Variants in OR52A5 observed in about 807,000 individuals in gnomAD.
The protein encoded by OR52A5 is olfactory receptor family 52 subfamily A member 5.
Under a neutral mutation model 18.2 loss-of-function variants are expected in OR52A5, and 16 were observed. The ratio of observed to expected loss-of-function variants is 0.88; its 90% CI spans 0.60 to 1.34. OR52A5 has a LOEUF of 1.34. OR52A5 is among the 40% of genes most tolerant of loss of function. OR52A5 has a pLI of 0.00. For synonymous variants in OR52A5, 140 were observed against 137.2 expected (o/e 1.02, Z -0.14); for missense variants, 418 against 383.0 (o/e 1.09, Z -0.76).
rs1846346198 is a variant in OR52A5, at chr11:5,132,227, G to A, written c.416C>T (p.Ser139Phe). Residue 139 changes from serine to phenylalanine, a missense_variant, in exon 2 of 2, where the codon TCC becomes TTC. By Grantham distance (155) the Ser-to-Phe change is radical (BLOSUM62 -2). Coordinates refer to ENST00000307388, the MANE Select transcript of OR52A5 (RefSeq NM_001005160.3). ...TCCAATATGAGTTAAGAACTGCTGGGAAAAGATGGTGGCATGTCTCAAGGG... is the reference window on the plus strand; with the variant it reads ...TCCAATATGAGTTAAGAACTGCTGGAAAAAGATGGTGGCATGTCTCAAGGG... ...CIPLRHATIF[S>F]QQFLTHIGLG... The A allele has an allele frequency of 6.2e-7, 1 of 1,614,148 alleles. No individual in the cohort carries two copies. Among genetic ancestry groups the A allele is most frequent in the Non-Finnish European group, 8.5e-7 (1 of 1,180,018 alleles).
In OR52A5 at chr11:5,129,854, T is replaced by G. The variant is rs1267017796; in HGVS notation, c.*1838A>C. The G allele has an allele frequency of 6.6e-6, 1 of 152,164 alleles. No homozygotes were observed. 9.4% of individuals were successfully genotyped at this position (152,164 alleles called of 1,614,324 possible). A position where few individuals can be genotyped will look rare whatever the true frequency, so the allele number is the denominator to read the frequency against. On this transcript the variant is annotated 3_prime_UTR_variant, in exon 2 of 2. Coordinates refer to ENST00000307388, the MANE Select transcript of OR52A5 (RefSeq NM_001005160.3). ...TACTCCATGTGGAAATTGCTTCAGC[T>G]GGGGTTTCTTTAGCAGAGAACACTG...
At position 5,138,214 on chromosome 11, in the gene OR52A5, A is replaced by G. The variant is rs369357887; in HGVS notation, c.-61+97T>C. On this transcript the variant is annotated intron_variant, in intron 1 of 1. Transcript: ENST00000307388. Reference sequence around the variant, plus strand: ...TTTAAGATTCTGTTGCATTTTTATCATCCTGGCATATTGAATCGCAGGAGA... The same window carrying G: ...TTTAAGATTCTGTTGCATTTTTATCGTCCTGGCATATTGAATCGCAGGAGA... 3.3e-5 allele frequency: 5 copies of G among 152,336 alleles called. No individual in the cohort carries two copies. The South Asian group carries it at 6.2e-4, about 19-fold the overall frequency. 9.4% of individuals were successfully genotyped at this position (152,336 alleles called of 1,614,324 possible). A position where few individuals can be genotyped will look rare whatever the true frequency, so the allele number is the denominator to read the frequency against.
intron 1 of OR52A5, among the ~76,000 whole-genome samples, chr11:5,134,500 A>C (rs1266881043): frequency 6.6e-6 from 1 of 152,214 alleles, no homozygotes; most frequent in Non-Finnish European, 1.5e-5. Flanking sequence ...TTTAATTAAC[A>C]AAGATTTATT....
intron 1 of OR52A5, among the ~76,000 whole-genome samples, chr11:5,137,318 C>T (rs1846400642): frequency 6.6e-6 from 1 of 152,180 alleles, no homozygotes; most frequent in Non-Finnish European, 1.5e-5. Context: ...GAATAACTAC[C>T]ACTCCAGTTC....
In OR52A5 at chr11:5,128,853, A is replaced by T. The variant is rs1037812965; in HGVS notation, c.*2839T>A. On this transcript the variant is annotated 3_prime_UTR_variant, in exon 2 of 2. Coordinates refer to ENST00000307388, the MANE Select transcript of OR52A5 (RefSeq NM_001005160.3). ...AGTAATGGGATGTGACTACTAATGT[A>T]TATAGATTTTTTTTTAGGATGACGA... The T allele has an allele frequency of 6.6e-6, 1 of 152,108 alleles. No homozygotes were observed. 9.4% of individuals were successfully genotyped at this position (152,108 alleles called of 1,614,324 possible).
In OR52A5 at chr11:5,130,362, A is replaced by ATAT. The variant is rs1846324745; in HGVS notation, c.*1329_*1330insATA. ...TCCTTCATGTATACTAACTTTTCTGAAAGAATTCATATATTTATGATTTTT... is the reference window on the plus strand; with the variant it reads ...TCCTTCATGTATACTAACTTTTCTGATATAAGAATTCATATATTTATGATTTTT... On this transcript the variant is annotated 3_prime_UTR_variant, in exon 2 of 2. Coordinates refer to ENST00000307388, the MANE Select transcript of OR52A5 (RefSeq NM_001005160.3). The ATAT allele has an allele frequency of 6.6e-6, 1 of 151,992 alleles. No individual in the cohort carries two copies. The highest frequency in any genetic ancestry group is 1.9e-4 in the East Asian group (1 of 5,194). 9.4% of individuals were successfully genotyped at this position (151,992 alleles called of 1,614,324 possible).
At chr11:5,135,167 C>G (rs1360741404) in intron 1 of OR52A5, among the ~76,000 whole-genome samples, 1 of 152,146 alleles carries the variant, frequency 6.6e-6, no homozygotes, top group Non-Finnish European at 1.5e-5. Context: ...AGCCACCAAG[C>G]CTGGTCAAGA....
chr11:5,129,597 C>G lies in OR52A5; in HGVS notation c.*2095G>C, dbSNP rs1043530747. On this transcript the variant is annotated 3_prime_UTR_variant, in exon 2 of 2. Transcript: ENST00000307388. ...TGTCCTTTATCTCGGATTCTGCATCCAATTAGCCAGAGCCCTCAATTGAAG... is the reference window on the plus strand; with the variant it reads ...TGTCCTTTATCTCGGATTCTGCATCGAATTAGCCAGAGCCCTCAATTGAAG... 6.6e-6 allele frequency: 1 copy of G among 152,050 alleles called. No homozygotes were observed. Among genetic ancestry groups the G allele is most frequent in the Admixed American group, 6.6e-5 (1 of 15,246 alleles). The allele number at this position is 152,050 out of a possible 1,614,324, so 9.4% of individuals were successfully genotyped here.
rs948127872 is a variant in OR52A5, at chr11:5,129,517, A to T, written c.*2175T>A. 2.0e-5 allele frequency: 3 copies of T among 152,114 alleles called. No individual in the cohort carries two copies. Among genetic ancestry groups the T allele is most frequent in the Non-Finnish European group, 4.4e-5 (3 of 68,030 alleles). The allele number at this position is 152,114 out of a possible 1,614,324, so 9.4% of individuals were successfully genotyped here. On this transcript the variant is annotated 3_prime_UTR_variant, in exon 2 of 2. Transcript: ENST00000307388. The stretch of plus-strand genomic sequence containing the variant: ...CTTTTTAAGATGTTCATTGCATCAT[A>T]GTCAGGGCATATCAGTCTGACTCAT...
rs552180403 is a variant in OR52A5 at position 5,131,556 on chromosome 11, A to C, written c.*136T>G. The C allele has an allele frequency of 6.0e-5, 32 of 537,214 alleles. 2 individuals carry two copies. The East Asian group carries it at 8.2e-4, about 14-fold the overall frequency. The allele number at this position is 537,214 out of a possible 1,614,324, so 33.3% of individuals were successfully genotyped here. On this transcript the variant is annotated 3_prime_UTR_variant, in exon 2 of 2. Transcript: ENST00000307388. ...TTATCAAAATATAGATTCAAAGCAA[A>C]TACTAAAAAGTGAGACATAGCTAGA... is the stretch of plus-strand genomic sequence containing the variant.
At position 5,129,028 on chromosome 11, in the gene OR52A5, TTC is replaced by T. The variant is rs1846311574; in HGVS notation, c.*2662_*2663del. 1 of 152,110 alleles carries T rather than the reference TTC, an allele frequency of 6.6e-6. No individual in the cohort carries two copies. The highest frequency in any genetic ancestry group is 1.5e-5 in the Non-Finnish European group (1 of 68,012). The allele number at this position is 152,110 out of a possible 1,614,324, so 9.4% of individuals were successfully genotyped here. A position where few individuals can be genotyped will look rare whatever the true frequency, so the allele number is the denominator to read the frequency against. On this transcript the variant is annotated 3_prime_UTR_variant, in exon 2 of 2. Coordinates refer to ENST00000307388, the MANE Select transcript of OR52A5 (RefSeq NM_001005160.3). Reference sequence around the variant, plus strand: ...CAATTGAATAAAGATCACCAAGGTATTCTGTTGTCTCAGCATGCTTCTGAGAA... The same window carrying T: ...CAATTGAATAAAGATCACCAAGGTATTGTTGTCTCAGCATGCTTCTGAGAA...
Position 5,134,933 on chromosome 11 carries a change from G to A in OR52A5, c.-60-2231C>T, listed in dbSNP as rs183749377. Among the ~76,000 whole-genome samples the A allele has an allele frequency of 9.2e-5, 14 of 151,974 alleles. No homozygotes were observed. In the East Asian group the frequency reaches 1.6e-3, roughly 17 times the overall value. On this transcript the variant is annotated intron_variant, in intron 1 of 1. Coordinates refer to ENST00000307388, the MANE Select transcript of OR52A5 (RefSeq NM_001005160.3). Reference sequence around the variant, plus strand: ...CGCCCAGGCTGGAGTGCAGTGGCACGATCTCGGCTCACTGCAAGCTCCGCC... The same window carrying A: ...CGCCCAGGCTGGAGTGCAGTGGCACAATCTCGGCTCACTGCAAGCTCCGCC...
intron 1 of OR52A5, among the ~76,000 whole-genome samples, chr11:5,135,762 G>A (rs1467292981): frequency 2.6e-5 from 4 of 152,116 alleles, no homozygotes; most frequent in African/African-American, 9.7e-5. Context: ...AAGCACCCCT[G>A]ATTTCTGGAC....
rs1304129782 is a variant in OR52A5, at chr11:5,131,878, G to C, written c.765C>G (p.Tyr255Ter). The change falls in exon 2 of 2, where the codon TAC becomes TAG. Residue 255 changes from tyrosine (Y) to a stop codon, truncating the protein, a stop_gained. Transcript: ENST00000307388. LOFTEE classifies it high-confidence loss of function. ...TGAAGAAAGAGAAGAAGGCAAGAAG[G>C]TAGAACTGTAGGAAGACACAAATGT... ...IAHICVFLQF[Y>*]LLAFFSFFTH... The C allele has an allele frequency of 6.2e-7, 1 of 1,614,048 alleles. No homozygotes were observed.
Position 5,128,938 on chromosome 11 carries a change from A to G in OR52A5, c.*2754T>C, listed in dbSNP as rs2133520219. ...CAGCCTTTATAATACACTAAAAATC[A>G]TCAAATTGCATACTTTAAAATTGCA... On this transcript the variant is annotated 3_prime_UTR_variant, in exon 2 of 2. Transcript: ENST00000307388. The G allele has an allele frequency of 6.6e-6, 1 of 152,238 alleles. No individual in the cohort carries two copies. Among genetic ancestry groups the G allele is most frequent in the African/African-American group, 2.4e-5 (1 of 41,554 alleles). 9.4% of individuals were successfully genotyped at this position (152,238 alleles called of 1,614,324 possible).
In OR52A5 at chr11:5,132,273, G is replaced by A. The variant is rs143161168; in HGVS notation, c.370C>T (p.Arg124Cys). 2.6e-5 allele frequency: 42 copies of A among 1,614,038 alleles called. No homozygotes were observed. The highest frequency in any genetic ancestry group is 1.7e-4 in the African/African-American group (13 of 74,914). Reference protein sequence around the residue: ...SGILLAMALDRYVAICIPLRH... With the variant: ...SGILLAMALDCYVAICIPLRH... ...AAGGGGATACAGATGGCCACATAGCGATCCAGGGCCATTGCCAGAAGGATA... is the reference window on the plus strand; with the variant it reads ...AAGGGGATACAGATGGCCACATAGCAATCCAGGGCCATTGCCAGAAGGATA... The change falls in exon 2 of 2, where the codon CGC (arginine) becomes TGC (cysteine). Residue 124 changes from arginine (R) to cysteine (C), a missense_variant. Physicochemically the swap from Arg to Cys is radical, Grantham distance 180. Transcript: ENST00000307388.
At chr11:5,137,857 A>G (rs1475480105) in intron 1 of OR52A5, among the ~76,000 whole-genome samples, 5 of 152,226 alleles carry the variant, frequency 3.3e-5, no homozygotes, top group South Asian at 2.1e-4. Context: ...CATTTCAAAT[A>G]TTGAGAAATA....
At position 5,128,835 on chromosome 11, in the gene OR52A5, G is replaced by A. The variant is rs529499908; in HGVS notation, c.*2857C>T. 6.6e-6 allele frequency: 1 copy of A among 152,042 alleles called. No homozygotes were observed. Among genetic ancestry groups the A allele is most frequent in the Non-Finnish European group, 1.5e-5 (1 of 67,974 alleles). 9.4% of individuals were successfully genotyped at this position (152,042 alleles called of 1,614,324 possible). A position where few individuals can be genotyped will look rare whatever the true frequency, so the allele number is the denominator to read the frequency against. ...GGAGATGGGGGGAGCAGAAGTAATG[G>A]GATGTGACTACTAATGTATATAGAT... On this transcript the variant is annotated 3_prime_UTR_variant, in exon 2 of 2. Coordinates refer to ENST00000307388, the MANE Select transcript of OR52A5 (RefSeq NM_001005160.3).
At chr11:5,137,790 T>G (rs1244055895) in intron 1 of OR52A5, among the ~76,000 whole-genome samples, 3 of 152,172 alleles carry the variant, frequency 2.0e-5, no homozygotes, top group Non-Finnish European at 4.4e-5. Context: ...AGTTTCCTCA[T>G]TGGTAAAATA....
Sources: gnomAD v4.1 joint callset for allele counts (sites outside exome capture counted in the v4.1 genomes callset) on GRCh38, gnomAD v4.1.1 for gene constraint, MANE v1.5 for transcripts, NCBI Gene and HGNC (gene_info 2026-07-23, HGNC 2026-07-21) for gene names.